The following CACNG4 variants were observed in gnomAD, a reference collection of about 807,000 sequenced individuals.
CACNG4 encodes calcium voltage-gated channel auxiliary subunit gamma 4.
Under a neutral mutation model 22.9 loss-of-function variants are expected in CACNG4, and 8 were observed. The observed-to-expected ratio is 0.35, with a 90% CI of 0.21 to 0.63. The LOEUF (loss-of-function observed/expected upper bound fraction) is 0.63, where lower values mean the gene tolerates loss of function less well. Among genes scored for constraint, CACNG4 ranks in the 30% least tolerant of loss-of-function variants. The probability of loss-of-function intolerance (pLI) is 0.72; values close to 1 mark genes in which losing one functional copy is unlikely to be tolerated. For synonymous variants in CACNG4, 188 were observed against 191.9 expected (o/e 0.98, Z 0.17); for missense variants, 357 against 455.4 (o/e 0.78, Z 1.97).
chr17:66,992,957 G>C (rs1014010499), intron 1 of CACNG4, among the ~76,000 whole-genome samples: 2 of 152,240 alleles, frequency 1.3e-5, no homozygotes, highest in Non-Finnish European at 2.9e-5. Flanking sequence ...CAGGAAGATC[G>C]GGCCCCTCTG....
chr17:67,012,461 G>T (rs1382918292), intron 1 of CACNG4, among the ~76,000 whole-genome samples: 1 of 152,134 alleles, frequency 6.6e-6, no homozygotes, highest in South Asian at 2.1e-4. Flanking sequence ...TCGGGGAGGG[G>T]AGAGCCAATG....
Position 66,992,170 on chromosome 17 carries a change from G to C in CACNG4, c.221-26019G>C, listed in dbSNP as rs544788168. 5.8e-3 allele frequency among the ~76,000 whole-genome samples: 882 copies of C among 151,990 alleles called. 6 individuals are homozygous for C. The highest frequency in any genetic ancestry group is 8.2e-3 in the Non-Finnish European group (558 of 67,950). ...GCTCCGCCAAGCTCCTGGGGGGGGG[G>C]GGCTGTGATGCCTCCTTTCTCACCC... On this transcript the variant is annotated intron_variant, in intron 1 of 3. Coordinates refer to ENST00000262138, the MANE Select transcript of CACNG4 (RefSeq NM_014405.4).
At chr17:66,965,496 G>A (rs867109338) in intron 1 of CACNG4, among the ~76,000 whole-genome samples, 2 of 150,734 alleles carry the variant, frequency 1.3e-5, no homozygotes, top group Non-Finnish European at 3.0e-5. Context: ...GGGCCGCGCC[G>A]GCACCCCCGG....
Position 67,030,796 on chromosome 17 carries a change from C to A in CACNG4, c.776C>A (p.Ser259Ter), listed in dbSNP as rs1481510444. ...GAGGCCTCGCCCTCCAGGGACGTGT[C>A]GCCCATGGGCCTGAAGATCACAGGG... is the stretch of plus-strand genomic sequence containing the variant. The part of the protein sequence containing the change: ...STEASPSRDV[S>*]PMGLKITGAI... Residue 259 changes from serine to a stop codon, truncating the protein, a stop_gained, in exon 4 of 4, where the codon TCG becomes TAG. Coordinates refer to ENST00000262138, the MANE Select transcript of CACNG4 (RefSeq NM_014405.4). LOFTEE classifies it high-confidence loss of function. The surrounding 1 kb of genome is among the most constrained non-coding windows in gnomAD (Gnocchi z 6.4). The A allele has an allele frequency of 6.2e-7, 1 of 1,614,002 alleles. No individual in the cohort carries two copies. Among genetic ancestry groups the A allele is most frequent in the Non-Finnish European group, 8.5e-7 (1 of 1,180,032 alleles).
chr17:67,001,137 C>T (rs186354853), intron 1 of CACNG4, among the ~76,000 whole-genome samples: 242 of 152,244 alleles, frequency 1.6e-3, no homozygotes, highest in Admixed American at 5.0e-3. Flanking sequence ...GGCAGTTCCC[C>T]TGCACACACT....
intron 1 of CACNG4, among the ~76,000 whole-genome samples, chr17:66,974,912 A>AT: frequency 6.6e-6 from 1 of 152,010 alleles, no homozygotes; most frequent in Non-Finnish European, 1.5e-5. Context: ...TGGGCTTGCA[A>AT]GGGCTTTGGA....
At position 66,965,158 on chromosome 17, in the gene CACNG4, CCCCA is replaced by C. The variant is rs771690471; in HGVS notation, c.220+29_220+32del. 218 of 701,210 alleles carry C rather than the reference CCCCA, an allele frequency of 3.1e-4. 1 individual carries two copies. Among genetic ancestry groups the C allele is most frequent in the South Asian group, 1.1e-3 (28 of 26,266 alleles). 43.4% of individuals were successfully genotyped at this position (701,210 alleles called of 1,614,324 possible). On this transcript the variant is annotated intron_variant, in intron 1 of 3. Transcript: ENST00000262138. ...TACGGCCAGCCCCGACCCCTCGCCG[CCCCA>C]CACACACACACACACACACACACAT...
chr17:66,994,956 G>C (rs963431233), intron 1 of CACNG4, among the ~76,000 whole-genome samples: 1 of 152,176 alleles, frequency 6.6e-6, no homozygotes, highest in Non-Finnish European at 1.5e-5. Flanking sequence ...GTGGGATGCA[G>C]CTGGAGAGAA....
At chr17:67,020,878 G>A (rs2035527620) in intron 2 of CACNG4, among the ~76,000 whole-genome samples, 1 of 152,094 alleles carries the variant, frequency 6.6e-6, no homozygotes, top group Non-Finnish European at 1.5e-5. Flanking sequence ...AAGAAGTGAG[G>A]GTTCATGAGA....
At chr17:67,000,289 C>G (rs2035400221) in intron 1 of CACNG4, among the ~76,000 whole-genome samples, 1 of 152,170 alleles carries the variant, frequency 6.6e-6, no homozygotes, top group Non-Finnish European at 1.5e-5. Context: ...CACTCTGTTC[C>G]CAGGGTTTGC....
Position 67,030,352 on chromosome 17 carries a change from C to G in CACNG4, c.446-114C>G, listed in dbSNP as rs1567761262. Reference sequence around the variant, plus strand: ...AATTAGCAACCAGAATAAAGAAATACTCATCAGAGAGGGGAGTGTCCACCT... The same window carrying G: ...AATTAGCAACCAGAATAAAGAAATAGTCATCAGAGAGGGGAGTGTCCACCT... On this transcript the variant is annotated intron_variant, in intron 3 of 3. Transcript: ENST00000262138. The surrounding 1 kb of genome is among the most constrained non-coding windows in gnomAD (Gnocchi z 6.4). 3.6e-6 allele frequency: 3 copies of G among 826,824 alleles called. No individual in the cohort carries two copies. Among genetic ancestry groups the G allele is most frequent in the East Asian group, 2.4e-5 (1 of 41,044 alleles). 51.2% of individuals were successfully genotyped at this position (826,824 alleles called of 1,614,324 possible).
chr17:66,978,136 G>A (rs1041203281), intron 1 of CACNG4, among the ~76,000 whole-genome samples: 3 of 152,184 alleles, frequency 2.0e-5, no homozygotes, highest in Non-Finnish European at 4.4e-5. Flanking sequence ...CCAGATCCCA[G>A]AGTGAGTCAG....
intron 1 of CACNG4, among the ~76,000 whole-genome samples, chr17:66,991,344 A>G (rs555845886): frequency 1.3e-5 from 2 of 152,072 alleles, no homozygotes; most frequent in African/African-American, 4.8e-5. Context: ...AAACAAAAAA[A>G]AACACTTCCG....
At chr17:67,014,404 C>A (rs979897985) in intron 1 of CACNG4, among the ~76,000 whole-genome samples, 1 of 151,948 alleles carries the variant, frequency 6.6e-6, no homozygotes, top group African/African-American at 2.4e-5. Flanking sequence ...AAAACAGATT[C>A]GGGGGAGGTG....
intron 1 of CACNG4, among the ~76,000 whole-genome samples, chr17:66,998,160 G>A (rs1157907962): frequency 6.6e-6 from 1 of 152,166 alleles, no homozygotes; most frequent in Admixed American, 6.5e-5. Flanking sequence ...CAAATGTTGA[G>A]GCCCCCAATC....
intron 1 of CACNG4, among the ~76,000 whole-genome samples, chr17:67,009,907 C>CT (rs1252411663): frequency 6.6e-6 from 1 of 152,122 alleles, no homozygotes; most frequent in Non-Finnish European, 1.5e-5. Context: ...AATATTCAGA[C>CT]TACTGCATCC....
intron 1 of CACNG4, among the ~76,000 whole-genome samples, chr17:66,999,871 G>A (rs1227594058): frequency 1.3e-5 from 2 of 152,256 alleles, no homozygotes; most frequent in Non-Finnish European, 2.9e-5. Flanking sequence ...TGTCCGGGCT[G>A]TCTGAGTGCG....
In CACNG4 at chr17:67,008,194, C is replaced by G. The variant is rs142167551; in HGVS notation, c.221-9995C>G. Among the ~76,000 whole-genome samples the G allele has an allele frequency of 1.1e-4, 17 of 152,262 alleles. No homozygotes were observed. The East Asian group carries it at 3.3e-3, about 29-fold the overall frequency. The stretch of plus-strand genomic sequence containing the variant: ...TGGCTTACGAGGGTCTCATGGAGAG[C>G]CACTAGCAGGCCAGGAAGCTAGGGC... On this transcript the variant is annotated intron_variant, in intron 1 of 3. Coordinates refer to ENST00000262138, the MANE Select transcript of CACNG4 (RefSeq NM_014405.4).
intron 1 of CACNG4, among the ~76,000 whole-genome samples, chr17:67,016,608 G>A (rs1041657487): frequency 6.6e-6 from 1 of 152,200 alleles, no homozygotes; most frequent in Admixed American, 6.5e-5. Context: ...GGCAACAGGG[G>A]GCGCTTGCAG....
Sources: allele counts gnomAD v4.1 joint callset (sites outside exome capture counted in the v4.1 genomes callset), GRCh38; gene constraint gnomAD v4.1.1; non-coding constraint Gnocchi (gnomAD v3.1); transcripts MANE v1.5; gene names NCBI Gene and HGNC (gene_info 2026-07-23, HGNC 2026-07-21).